The following ATP13A3 variants were observed in gnomAD, a reference collection of about 807,000 sequenced individuals.
ATP13A3 encodes ATPase 13A3, also known as polyamine-transporting ATPase 13A3.
Under a neutral mutation model 158.1 loss-of-function variants are expected in ATP13A3, and 59 were observed. That is an observed-to-expected ratio of 0.37 (90% CI 0.30 to 0.46). The LOEUF (loss-of-function observed/expected upper bound fraction) is 0.46, where lower values mean the gene tolerates loss of function less well. Ranked by LOEUF, ATP13A3 falls within the 20% of genes least tolerant of loss-of-function variation. ATP13A3 has a pLI of 1.00. For missense variants in ATP13A3, 1,166 were observed against 1,525.2 expected (o/e 0.76, Z 3.92); for synonymous variants, 491 against 504.3 (o/e 0.97, Z 0.35).
At chr3:194,458,811 T>C (rs1346165876) in intron 6 of ATP13A3, among the ~76,000 whole-genome samples, 1 of 152,208 alleles carries the variant, frequency 6.6e-6, no homozygotes, top group African/African-American at 2.4e-5. Context: ...AATCCAGGTA[T>C]GAATATTTTA....
rs1717428755 is a variant in ATP13A3, at chr3:194,433,862, A to G, written c.2155T>C (p.Leu719=). ...TTTAATTTGTTCTGCATTATAATTAATCCCATAAAATCCATGTTGTTCTCA... is the reference window on the plus strand; with the variant it reads ...TTTAATTTGTTCTGCATTATAATTAGTCCCATAAAATCCATGTTGTTCTCA... ...AIENNMDFMG[L]IIMQNKLKQE... Residue 719 remains leucine (L), a synonymous_variant, in exon 21 of 34, where the codon TTA becomes CTA. Coordinates refer to ENST00000645319, the MANE Select transcript of ATP13A3 (RefSeq NM_001367549.1). 1 of 1,613,900 alleles carries G rather than the reference A, an allele frequency of 6.2e-7. No individual in the cohort carries two copies. The highest frequency in any genetic ancestry group is 8.5e-7 in the Non-Finnish European group (1 of 1,179,802).
At position 194,433,810 on chromosome 3, in the gene ATP13A3, T is replaced by C; in HGVS notation, c.2207A>G (p.Asp736Gly). 1.9e-6 allele frequency: 3 copies of C among 1,614,142 alleles called. No homozygotes were observed. Among genetic ancestry groups the C allele is most frequent in the Non-Finnish European group, 2.5e-6 (3 of 1,180,000 alleles). ...LKQETPAVLE[D>G]LHKANIRTVM... is the part of the protein sequence containing the mutation. ...GGTGCGAATGTTGGCTTTATGCAAA[T>C]CTTCAAGTACTGCAGGGGTTTCTTG... is the stretch of plus-strand genomic sequence containing the variant. Residue 736 changes from aspartate to glycine, a missense_variant, in exon 21 of 34, where the codon GAT becomes GGT. Asp to Gly is a moderately conservative substitution (Grantham distance 94, BLOSUM62 -1). Around this residue, in one of 3 missense-constraint regions of ATP13A3, gnomAD observed 997 missense variants for 1,341.2 expected, o/e 0.74. Coordinates refer to ENST00000645319, the MANE Select transcript of ATP13A3 (RefSeq NM_001367549.1).
chr3:194,448,030 T>TTATTGATA lies in ATP13A3; in HGVS notation c.1151-29_1151-22dup. ...AAATCCTTTCAAAAAAAGAAGACAA[T>TTATTGATA]TATTGATATTTTTATAAGAAAATGA... On this transcript the variant is annotated intron_variant, in intron 12 of 33. Coordinates refer to ENST00000645319, the MANE Select transcript of ATP13A3 (RefSeq NM_001367549.1). This position sits in a 1 kb window ranked among gnomAD's most constrained non-coding sequence, Gnocchi z 4.0. 6.4e-7 allele frequency: 1 copy of TTATTGATA among 1,559,340 alleles called. No individual in the cohort carries two copies. Among genetic ancestry groups the TTATTGATA allele is most frequent in the Non-Finnish European group, 8.8e-7 (1 of 1,141,830 alleles).
chr3:194,404,885 G>A lies in ATP13A3; in HGVS notation c.*1034C>T, dbSNP rs1381188299. On this transcript the variant is annotated 3_prime_UTR_variant, in exon 34 of 34. Coordinates refer to ENST00000645319, the MANE Select transcript of ATP13A3 (RefSeq NM_001367549.1). ...CAAATTCATATTGCTTTGAAAAAAC[G>A]GCAGCCATTCAAATCCAGTATTTTT... 6 of 151,954 alleles carry A rather than the reference G, an allele frequency of 3.9e-5. No homozygotes were observed. Among genetic ancestry groups the A allele is most frequent in the Middle Eastern group, 3.4e-3 (1 of 294 alleles). The allele number at this position is 151,954 out of a possible 1,614,324, so 9.4% of individuals were successfully genotyped here.
chr3:194,429,013 CAACTT>C (rs775470631), intron 27 of ATP13A3, 96 bp from the exon 28 acceptor site: 21 of 770,266 alleles, frequency 2.7e-5, no homozygotes, highest in Non-Finnish European at 4.0e-5. Context: ...CCTATAATGA[CAACTT>C]AAAAATGACA....
intron 22 of ATP13A3, 69 bp from the exon 23 acceptor site, chr3:194,431,295 A>G (rs1717202057): frequency 7.5e-6 from 11 of 1,471,388 alleles, no homozygotes; most frequent in East Asian, 6.9e-5. Context: ...TATTTTAAAC[A>G]TATTTGTTCT....
At chr3:194,456,051 C>T (rs953899664) in intron 7 of ATP13A3, 89 bp from the exon 8 acceptor site, 17 of 713,650 alleles carry the variant, frequency 2.4e-5, no homozygotes, top group Non-Finnish European at 3.6e-5. Flanking sequence ...GCTTAAACCA[C>T]AGACTGTTCT....
At chr3:194,435,157 G>GT (rs771335697) in intron 20 of ATP13A3, among the ~76,000 whole-genome samples, 273 of 152,280 alleles carry the variant, frequency 1.8e-3, no homozygotes, top group Non-Finnish European at 3.0e-3. Flanking sequence ...GGGTGGTAAG[G>GT]ATATTAGAGA....
At chr3:194,430,921 C>T in intron 24 of ATP13A3, 22 bp downstream of exon 24, 1 of 1,560,042 alleles carries the variant, frequency 6.4e-7, no homozygotes, top group Non-Finnish European at 8.7e-7. Flanking sequence ...AAACCAAAAC[C>T]AAAAAAGACA....
At chr3:194,488,469 G>T (rs138377277), upstream of ATP13A3, 482 of 152,692 alleles carry the variant, frequency 3.2e-3, 4 homozygotes, top group Non-Finnish European at 4.6e-3. The surrounding 1 kb of genome is among the most constrained non-coding windows in gnomAD (Gnocchi z 4.1). Context: ...CTCAAACAAT[G>T]GTCTTCCCTG....
At chr3:194,489,187 G>A (rs1439424567), upstream of ATP13A3, among the ~76,000 whole-genome samples, 3 of 152,214 alleles carry the variant, frequency 2.0e-5, no homozygotes, top group African/African-American at 7.2e-5. This position sits in a 1 kb window ranked among gnomAD's most constrained non-coding sequence, Gnocchi z 4.1. Context: ...GCTCATGCCT[G>A]TAATCCCAGC....
chr3:194,422,737 T>C (rs1716481834), intron 30 of ATP13A3, among the ~76,000 whole-genome samples: 1 of 151,930 alleles, frequency 6.6e-6, no homozygotes, highest in Admixed American at 6.6e-5. Context: ...GACTCCGAAA[T>C]AAGGTAGACA....
At chr3:194,483,573 G>C (rs1202904482) in intron 2 of ATP13A3, among the ~76,000 whole-genome samples, 1 of 145,890 alleles carries the variant, frequency 6.9e-6, no homozygotes. Context: ...CTGGGAGACA[G>C]AGCAAGACCC....
rs975061016 is a variant in ATP13A3, at chr3:194,402,825, A to T, written c.*3094T>A. 4.6e-5 allele frequency: 7 copies of T among 152,240 alleles called. No individual in the cohort carries two copies. The highest frequency in any genetic ancestry group is 1.5e-5 in the Non-Finnish European group (1 of 68,042). The allele number at this position is 152,240 out of a possible 1,614,324, so 9.4% of individuals were successfully genotyped here. ...GCAGCAATACAATTTTAAAAATATA[A>T]AGATGCAGTATCATTTCTGATATAA... On this transcript the variant is annotated 3_prime_UTR_variant, in exon 34 of 34. Coordinates refer to ENST00000645319, the MANE Select transcript of ATP13A3 (RefSeq NM_001367549.1).
chr3:194,424,896 T>G (rs556622387), intron 30 of ATP13A3, among the ~76,000 whole-genome samples: 1 of 152,326 alleles, frequency 6.6e-6, no homozygotes, highest in African/African-American at 2.4e-5. Context: ...TGGCAGATGC[T>G]GCGCAGACCG....
chr3:194,449,996 C>T (rs558377367), intron 11 of ATP13A3, 149 bp downstream of exon 11: 14 of 772,978 alleles, frequency 1.8e-5, no homozygotes, highest in Admixed American at 2.8e-5. Flanking sequence ...ATGCAGAATT[C>T]GGTCTACTCA....
At chr3:194,443,593 T>C (rs540205869) in intron 15 of ATP13A3, among the ~76,000 whole-genome samples, 14 of 152,254 alleles carry the variant, frequency 9.2e-5, no homozygotes, top group Admixed American at 3.9e-4. Context: ...CATGCATTAC[T>C]AGAGATAAGA....
intron 2 of ATP13A3, among the ~76,000 whole-genome samples, chr3:194,470,625 C>T (rs1220501627): frequency 2.0e-5 from 3 of 152,112 alleles, no homozygotes; most frequent in African/African-American, 7.2e-5. Context: ...TGTAATAAAA[C>T]AGTTTGCATT....
chr3:194,433,232 CTTTTT>C (rs71637136), intron 21 of ATP13A3, among the ~76,000 whole-genome samples: 2 of 113,660 alleles, frequency 1.8e-5, no homozygotes, highest in African/African-American at 3.5e-5. Flanking sequence ...TTTTACTATT[CTTTTT>C]TTTTTTTTTT....
Sources: gnomAD v4.1 joint callset for allele counts (sites outside exome capture counted in the v4.1 genomes callset) on GRCh38, gnomAD v4.1.1 for gene constraint, gnomAD v4.1.1 regional missense constraint, Gnocchi (gnomAD v3.1) non-coding constraint, MANE v1.5 for transcripts, NCBI Gene and HGNC (gene_info 2026-07-23, HGNC 2026-07-21) for gene names.